Variants in TSNARE1 observed in about 807,000 individuals in gnomAD.
The protein encoded by TSNARE1 is t-SNARE domain-containing protein 1.
Under a neutral mutation model 62.0 loss-of-function variants are expected in TSNARE1, and 49 were observed. The ratio of observed to expected loss-of-function variants is 0.79; its 90% CI spans 0.63 to 1.00. The LOEUF is 1.00. TSNARE1 is among the 50% of genes least tolerant of loss of function. The pLI is 0.00. For missense variants in TSNARE1, 755 were observed against 700.1 expected, an observed-to-expected ratio of 1.08 and a Z score of -0.88; for synonymous variants, 328 against 294.4, an observed-to-expected ratio of 1.11 and a Z score of -1.17.
At chr8:142,243,572 G>A (rs1817757494) in intron 12 of TSNARE1, among the ~76,000 whole-genome samples, 1 of 152,030 alleles carries the variant, frequency 6.6e-6, no homozygotes, top group South Asian at 2.1e-4. Flanking sequence ...AAGCAGAGAG[G>A]GGGATGGTGG....
intron 12 of TSNARE1, among the ~76,000 whole-genome samples, chr8:142,235,948 C>T (rs531247624): frequency 8.6e-5 from 13 of 151,966 alleles, no homozygotes; most frequent in South Asian, 2.1e-4. Context: ...CTTCACCTGG[C>T]GAGGTGGGGG....
rs550892667 is a variant in TSNARE1, at chr8:142,252,157, C to T, written c.1447-22578G>A. On this transcript the variant is annotated intron_variant, in intron 12 of 13. Coordinates refer to ENST00000524325, the MANE Select transcript of TSNARE1 (RefSeq NM_145003.5). The stretch of plus-strand genomic sequence containing the variant: ...GCGTTCTCTGTCTGCAGGGCACGCA[C>T]GTTGAGAGAGAGCTTGTTTGATATC... Among the ~76,000 whole-genome samples, 40 of 152,372 alleles carry T rather than the reference C, an allele frequency of 2.6e-4. No individual in the cohort carries two copies. In the South Asian group the frequency reaches 6.8e-3, roughly 26 times the overall value.
intron 11 of TSNARE1, chr8:142,276,955 C>A (rs72687362): frequency 0.2 from 198,086 of 985,356 alleles, 20,138 homozygotes; most frequent in South Asian, 0.27. Flanking sequence ...CCTGCCCCGG[C>A]GCAGTGCACA....
intron 1 of TSNARE1, among the ~76,000 whole-genome samples, chr8:142,401,350 G>A (rs1838277065): frequency 6.6e-6 from 1 of 152,082 alleles, no homozygotes; most frequent in African/African-American, 2.4e-5. Flanking sequence ...GAGTGCCAGG[G>A]CATTCCAAGC....
rs931522819 is a variant in TSNARE1 at position 142,271,416 on chromosome 8, G to T, written c.1446+3365C>A. ...CCCTGCTGCCGGTGGGAGTCCAGCA[G>T]CTGCTGCTCAAATGCGGACGTTTCA... On this transcript the variant is annotated intron_variant, in intron 12 of 13. Transcript: ENST00000524325. The T allele has an allele frequency of 6.4e-6, 8 of 1,247,308 alleles. No homozygotes were observed. In the South Asian group the frequency reaches 2.7e-4, roughly 43 times the overall value. The allele number at this position is 1,247,308 out of a possible 1,614,324, so 77.3% of individuals were successfully genotyped here.
At chr8:142,378,660 G>A (rs1490589091) in intron 1 of TSNARE1, among the ~76,000 whole-genome samples, 2 of 152,294 alleles carry the variant, frequency 1.3e-5, no homozygotes, top group African/African-American at 4.8e-5. Context: ...TACAGGAAAC[G>A]CTCAGAACCC....
chr8:142,255,488 T>TCAC (rs1554630141), intron 12 of TSNARE1, among the ~76,000 whole-genome samples: 3 of 26,228 alleles, frequency 1.1e-4, no homozygotes. Flanking sequence ...ATCACCATCA[T>TCAC]CATCACCACC....
At chr8:142,301,684 G>A (rs1825806652) in intron 9 of TSNARE1, among the ~76,000 whole-genome samples, 1 of 152,222 alleles carries the variant, frequency 6.6e-6, no homozygotes, top group Admixed American at 6.5e-5. Context: ...GGGAAAAAGG[G>A]AGACAGGAAA....
chr8:142,341,030 C>T (rs964895851), intron 4 of TSNARE1, among the ~76,000 whole-genome samples: 2 of 152,230 alleles, frequency 1.3e-5, no homozygotes, highest in Admixed American at 6.5e-5. Flanking sequence ...AAATGCCCCT[C>T]AAGGCCCTAA....
At chr8:142,225,443 C>T (rs1042982907) in intron 13 of TSNARE1, among the ~76,000 whole-genome samples, 3 of 152,144 alleles carry the variant, frequency 2.0e-5, no homozygotes, top group African/African-American at 7.2e-5. Context: ...CCTAACCCTC[C>T]CCTGCCAGGT....
At position 142,319,863 on chromosome 8, in the gene TSNARE1, A is replaced by G. The variant is rs1160439190; in HGVS notation, c.894-1229T>C. ...GAGGGCAAGGAGCCATAAGGTTACT[A>G]CAGACTAGGCGGGAAGCGCGGGGAC... On this transcript the variant is annotated intron_variant, in intron 6 of 13. Transcript: ENST00000524325. The surrounding 1 kb of genome is among the most constrained non-coding windows in gnomAD (Gnocchi z 4.9). Among the ~76,000 whole-genome samples the G allele has an allele frequency of 6.6e-6, 1 of 152,168 alleles. No homozygotes were observed. The highest frequency in any genetic ancestry group is 1.9e-4 in the East Asian group (1 of 5,170).
rs148446995 is a variant in TSNARE1 at position 142,308,361 on chromosome 8, G to A, written c.1131+6023C>T. On this transcript the variant is annotated intron_variant, in intron 9 of 13. Coordinates refer to ENST00000524325, the MANE Select transcript of TSNARE1 (RefSeq NM_145003.5). The stretch of plus-strand genomic sequence containing the variant: ...TCTTTCGCACGTGGGTCTGTAGTCC[G>A]GCTGGAAGTGCTTTCTGCACAGGGT... Among the ~76,000 whole-genome samples the A allele has an allele frequency of 4.8e-3, 738 of 152,228 alleles. 4 individuals carry two copies. The highest frequency in any genetic ancestry group is 0.017 in the African/African-American group (700 of 41,528).
intron 12 of TSNARE1, among the ~76,000 whole-genome samples, chr8:142,243,451 G>C (rs1027765473): frequency 6.6e-6 from 1 of 152,194 alleles, no homozygotes; most frequent in African/African-American, 2.4e-5. Context: ...TCGTGACAAC[G>C]TGGAGGCACC....
At chr8:142,280,117 G>A (rs992766910) in intron 11 of TSNARE1, 28 of 1,131,358 alleles carry the variant, frequency 2.5e-5, no homozygotes, top group Middle Eastern at 4.0e-4. Flanking sequence ...GCCCCGCAGC[G>A]CCCCGAACAG....
intron 13 of TSNARE1, among the ~76,000 whole-genome samples, chr8:142,228,125 T>A (rs1278960793): frequency 1.3e-5 from 2 of 152,210 alleles, no homozygotes; most frequent in Non-Finnish European, 1.5e-5. Context: ...AGTCTTCAGA[T>A]GATGCAGCAA....
chr8:142,236,754 C>T (rs1161693842), intron 12 of TSNARE1, among the ~76,000 whole-genome samples: 1 of 152,204 alleles, frequency 6.6e-6, no homozygotes, highest in Admixed American at 6.5e-5. Context: ...GCCCCAGTCC[C>T]TCTCCTCATG....
At chr8:142,299,659 G>T (rs991048365) in intron 10 of TSNARE1, among the ~76,000 whole-genome samples, 3 of 151,804 alleles carry the variant, frequency 2.0e-5, no homozygotes, top group South Asian at 2.1e-4. Context: ...ACGCATACTT[G>T]CATGCACACA....
At chr8:142,390,079 C>T (rs1308442778) in intron 1 of TSNARE1, among the ~76,000 whole-genome samples, 3 of 152,208 alleles carry the variant, frequency 2.0e-5, no homozygotes, top group Admixed American at 6.5e-5. Flanking sequence ...AGAAAAGGTA[C>T]GGCAGAAATA....
At chr8:142,302,817 G>A (rs1825998986) in intron 9 of TSNARE1, among the ~76,000 whole-genome samples, 1 of 152,110 alleles carries the variant, frequency 6.6e-6, no homozygotes, top group Non-Finnish European at 1.5e-5. Flanking sequence ...TGGGGTGCAG[G>A]CAACCTCTCT....
Sources: gnomAD v4.1 joint callset for allele counts (sites outside exome capture counted in the v4.1 genomes callset) on GRCh38, gnomAD v4.1.1 for gene constraint, Gnocchi (gnomAD v3.1) non-coding constraint, MANE v1.5 for transcripts, NCBI Gene and HGNC (gene_info 2026-07-23, HGNC 2026-07-21) for gene names.